Variants in CACNA1C observed in about 807,000 individuals in gnomAD.
CACNA1C encodes voltage-dependent L-type calcium channel subunit alpha-1C.
In CACNA1C, 30 loss-of-function variants were observed where a neutral mutation model predicts 229.0. The ratio of observed to expected loss-of-function variants is 0.13; its 90% CI spans 0.10 to 0.18. The LOEUF is 0.18. Among genes scored for constraint, CACNA1C ranks in the 10% least tolerant of loss-of-function variants. The pLI, the probability that CACNA1C is intolerant of heterozygous loss-of-function variation, is 1.00. For missense variants in CACNA1C, 1,658 were observed against 2,845.0 expected (o/e 0.58, Z 9.49); for synonymous variants, 1,114 against 1,132.5 (o/e 0.98, Z 0.33).
At chr12:2,018,411 G>A (rs1428377276) in intron 1 of CACNA1C, 1 of 152,064 alleles carries the variant, frequency 6.6e-6, no homozygotes, top group Non-Finnish European at 1.5e-5. Flanking sequence ...TGGCCATGTT[G>A]AACAATCGGC....
intron 3 of CACNA1C, among the ~76,000 whole-genome samples, chr12:2,297,799 C>G (rs760672012): frequency 6.6e-6 from 1 of 152,104 alleles, no homozygotes; most frequent in Non-Finnish European, 1.5e-5. Context: ...ATACGTGTAT[C>G]TGTCTGAACA....
At chr12:2,198,329 T>C (rs576792588) in intron 3 of CACNA1C, among the ~76,000 whole-genome samples, 38 of 152,286 alleles carry the variant, frequency 2.5e-4, no homozygotes, top group Middle Eastern at 3.4e-3. Context: ...AGGCGGCTTC[T>C]GAGGAGGCTG....
chr12:2,300,642 C>T (rs2094479550), intron 3 of CACNA1C, among the ~76,000 whole-genome samples: 1 of 151,974 alleles, frequency 6.6e-6, no homozygotes, highest in Admixed American at 6.6e-5. Flanking sequence ...AATAATAATA[C>T]ATGAAAAGGA....
intron 8 of CACNA1C, among the ~76,000 whole-genome samples, chr12:2,511,279 C>T (rs66986059): frequency 0.13 from 20,483 of 152,144 alleles, 1,459 homozygotes; most frequent in Middle Eastern, 0.19. Flanking sequence ...ACCATAAAGA[C>T]GGTGCATGCT....
chr12:2,656,354 CTAAAA>C (rs1206125958), intron 34 of CACNA1C, among the ~76,000 whole-genome samples: 1 of 151,978 alleles, frequency 6.6e-6, no homozygotes, highest in African/African-American at 2.4e-5. Context: ...CATCAAAAAA[CTAAAA>C]TAAAATACTT....
chr12:2,306,698 A>G (rs2095053278), intron 3 of CACNA1C, among the ~76,000 whole-genome samples: 1 of 152,172 alleles, frequency 6.6e-6, no homozygotes, highest in South Asian at 2.1e-4. Flanking sequence ...TAAAAAGGGT[A>G]TGTTAGTCAA....
chr12:2,233,660 T>A (rs1050985778), intron 3 of CACNA1C, among the ~76,000 whole-genome samples: 2 of 152,238 alleles, frequency 1.3e-5, no homozygotes, highest in African/African-American at 4.8e-5. Context: ...TTGTTTCTGA[T>A]ACATAGATGG....
chr12:2,579,718 C>G (rs543601815), intron 13 of CACNA1C, among the ~76,000 whole-genome samples: 2 of 152,224 alleles, frequency 1.3e-5, no homozygotes, highest in South Asian at 4.2e-4. Context: ...GTAGGTGGGA[C>G]TACAGGCATG....
intron 11 of CACNA1C, among the ~76,000 whole-genome samples, chr12:2,559,757 C>T (rs1001225388): frequency 5.9e-5 from 9 of 152,104 alleles, no homozygotes; most frequent in Admixed American, 6.5e-5. Context: ...AGGTTCTGCC[C>T]GGGAATAGTA....
At chr12:2,584,367 G>A (rs1401893515) in intron 15 of CACNA1C, 136 bp from the exon 16 acceptor site, 1 of 637,778 alleles carries the variant, frequency 1.6e-6, no homozygotes, top group Non-Finnish European at 2.9e-6. Flanking sequence ...GTTGGGGTCT[G>A]ACTCCCTCAA....
chr12:2,291,897 G>C (rs2093555560), intron 3 of CACNA1C, among the ~76,000 whole-genome samples: 1 of 152,186 alleles, frequency 6.6e-6, no homozygotes. Context: ...TCCTAATTAG[G>C]GAGCCATGCC....
In CACNA1C at chr12:2,606,865, T is replaced by A. The variant is rs2075621541; in HGVS notation, c.3210-119T>A. On this transcript the variant is annotated intron_variant, in intron 25 of 46. Coordinates refer to ENST00000399655, the MANE Select transcript of CACNA1C (RefSeq NM_000719.7). ...TGCCCACTGAAGCTCCTCCCATGGC[T>A]AGAACGGTGAAGTTCAAGCCAGGCA... 4 of 1,232,338 alleles carry A rather than the reference T, an allele frequency of 3.2e-6. No homozygotes were observed. The Admixed American group carries it at 6.0e-5, about 19-fold the overall frequency. The allele number at this position is 1,232,338 out of a possible 1,614,324, so 76.3% of individuals were successfully genotyped here.
At chr12:2,516,370 G>T (rs1311178075) in intron 9 of CACNA1C, among the ~76,000 whole-genome samples, 2 of 152,160 alleles carry the variant, frequency 1.3e-5, no homozygotes, top group Non-Finnish European at 2.9e-5. Context: ...CTCTTACTGG[G>T]AGTGAACCAA....
chr12:2,129,016 G>C (rs975572233), intron 3 of CACNA1C, among the ~76,000 whole-genome samples: 4 of 152,192 alleles, frequency 2.6e-5, no homozygotes, highest in Non-Finnish European at 5.9e-5. Flanking sequence ...CTCCTTGTGT[G>C]GTAAGGTGCT....
intron 3 of CACNA1C, among the ~76,000 whole-genome samples, chr12:2,321,402 A>G (rs139676341): frequency 2.0e-5 from 3 of 150,580 alleles, no homozygotes; most frequent in African/African-American, 7.3e-5. Flanking sequence ...ACTTGTACCC[A>G]TCTCGTAGGG....
intron 3 of CACNA1C, among the ~76,000 whole-genome samples, chr12:2,230,010 C>T (rs1174405534): frequency 6.6e-6 from 1 of 152,222 alleles, no homozygotes; most frequent in Non-Finnish European, 1.5e-5. Context: ...GCCCGCCTGG[C>T]TCCGCAGTAG....
In CACNA1C at chr12:2,285,027, A is replaced by G. The variant is rs2092401752; in HGVS notation, c.478-163949A>G. Among the ~76,000 whole-genome samples, 2 of 152,040 alleles carry G rather than the reference A, an allele frequency of 1.3e-5. No individual in the cohort carries two copies. Among genetic ancestry groups the G allele is most frequent in the Admixed American group, 6.5e-5 (1 of 15,272 alleles). On this transcript the variant is annotated intron_variant, in intron 3 of 46. Coordinates refer to ENST00000399655, the MANE Select transcript of CACNA1C (RefSeq NM_000719.7). This position sits in a 1 kb window ranked among gnomAD's most constrained non-coding sequence, Gnocchi z 4.2. The stretch of plus-strand genomic sequence containing the variant: ...GGCCTGGGGTAGGGCCGTTCTGCAG[A>G]TCCTGGGTTGGCTTCCAGTGGTGCC...
chr12:2,114,366 G>A (rs1014585529), intron 1 of CACNA1C, among the ~76,000 whole-genome samples: 2 of 152,188 alleles, frequency 1.3e-5, no homozygotes, highest in African/African-American at 4.8e-5. Flanking sequence ...ACAGTCAGGG[G>A]GATGCAACGT....
intron 7 of CACNA1C, among the ~76,000 whole-genome samples, chr12:2,497,850 G>A (rs1052624957): frequency 3.9e-5 from 6 of 152,068 alleles, no homozygotes; most frequent in Non-Finnish European, 8.8e-5. Context: ...CAGCCAACAG[G>A]AGACTCTTGG....
Sources: allele counts gnomAD v4.1 joint callset (sites outside exome capture counted in the v4.1 genomes callset), GRCh38; gene constraint gnomAD v4.1.1; non-coding constraint Gnocchi (gnomAD v3.1); transcripts MANE v1.5; gene names NCBI Gene and HGNC (gene_info 2026-07-23, HGNC 2026-07-21).